Variants in PTPRS observed in about 807,000 individuals in gnomAD.
PTPRS encodes the protein protein tyrosine phosphatase receptor type S, also known as receptor-type tyrosine-protein phosphatase S.
In PTPRS, 63 loss-of-function variants were observed where a neutral mutation model predicts 215.3. The ratio of observed to expected loss-of-function variants is 0.29; its 90% confidence interval spans 0.24 to 0.36. The LOEUF (loss-of-function observed/expected upper bound fraction) is 0.36. Ranked by LOEUF, PTPRS falls within the 10% of genes least tolerant of loss-of-function variation. The pLI, the probability that PTPRS is intolerant of heterozygous loss-of-function variation, is 1.00. For synonymous variants in PTPRS, 1,404 were observed against 1,191.4 expected (o/e 1.18, Z -3.68); for missense variants, 2,258 against 2,825.8 (o/e 0.80, Z 4.56).
chr19:5,336,615 C>T (rs1307977506), intron 1 of PTPRS, among the ~76,000 whole-genome samples: 2 of 152,184 alleles, frequency 1.3e-5, no homozygotes. Flanking sequence ...TTGAAACCTT[C>T]AAGCCCCGGA....
intron 1 of PTPRS, among the ~76,000 whole-genome samples, chr19:5,310,133 C>T (rs147972897): frequency 6.6e-6 from 1 of 152,314 alleles, no homozygotes; most frequent in Non-Finnish European, 1.5e-5. Context: ...GCGGTCCTGC[C>T]TCAGGGCCTT....
In PTPRS at chr19:5,223,192, C is replaced by A; in HGVS notation, c.2600G>T (p.Arg867Leu). The A allele has an allele frequency of 6.5e-7, 1 of 1,549,972 alleles. No homozygotes were observed. Among genetic ancestry groups the A allele is most frequent in the Non-Finnish European group, 8.7e-7 (1 of 1,148,042 alleles). Reference sequence around the variant, plus strand: ...CGAGTCCTCACGGCCAAACTGCAGGCGGTAGCCCAGCACCTGGTCCTCCGC... The same window carrying A: ...CGAGTCCTCACGGCCAAACTGCAGGAGGTAGCCCAGCACCTGGTCCTCCGC... Reference protein sequence around the residue: ...GTAEDQVLGYRLQFGREDSTP... With the variant: ...GTAEDQVLGYLLQFGREDSTP... The change falls in exon 18 of 38, where the codon CGC becomes CTC. Residue 867 changes from arginine to leucine, a missense_variant. Transcript: ENST00000262963.
Position 5,339,168 on chromosome 19 carries a change from G to C in PTPRS, c.-95+1496C>G, listed in dbSNP as rs1026676808. Among the ~76,000 whole-genome samples the C allele has an allele frequency of 6.6e-6, 1 of 152,088 alleles. No individual in the cohort carries two copies. The highest frequency in any genetic ancestry group is 1.5e-5 in the Non-Finnish European group (1 of 67,990). ...CAGAGGCAGGAGGACCCCATGCTCA[G>C]AAGGGGGCTCCCCTAGATTGTGACG... On this transcript the variant is annotated intron_variant, in intron 1 of 37. Transcript: ENST00000262963. This position sits in a 1 kb window ranked among gnomAD's most constrained non-coding sequence, Gnocchi z 4.2.
intron 37 of PTPRS, 79 bp from the exon 38 acceptor site, chr19:5,206,921 G>A: frequency 1.5e-6 from 2 of 1,327,600 alleles, no homozygotes; most frequent in East Asian, 2.3e-5. Flanking sequence ...TCAGGAGCAG[G>A]CCAAGCTCCT....
intron 1 of PTPRS, among the ~76,000 whole-genome samples, chr19:5,290,854 C>T (rs987233920): frequency 1.5e-4 from 23 of 151,922 alleles, no homozygotes; most frequent in African/African-American, 5.3e-4. Context: ...ACGTCATTTC[C>T]AGGACTGGAC....
chr19:5,277,624 C>A (rs1466111329), intron 2 of PTPRS: 1 of 378,580 alleles, frequency 2.6e-6, no homozygotes, highest in Non-Finnish European at 4.9e-6. Context: ...CCACCGCACT[C>A]CAGCCTGGGC....
rs149774964 is a variant in PTPRS, at chr19:5,219,990, G to A, written c.3714C>T (p.Pro1238=). 1.6e-4 allele frequency: 256 copies of A among 1,613,700 alleles called. No individual in the cohort carries two copies. The highest frequency in any genetic ancestry group is 4.5e-4 in the East Asian group (20 of 44,896). ...GCACGAAGAGGACATAGCGGTGGCCGGGCTCCAGGCCCCGGTTATCGAAGC... is the reference window on the plus strand; with the variant it reads ...GCACGAAGAGGACATAGCGGTGGCCAGGCTCCAGGCCCCGGTTATCGAAGC... The part of the protein sequence containing the change: ...YGGFDNRGLE[P]GHRYVLFVLA... The change falls in exon 22 of 38, where the codon CCC becomes CCT. Residue 1238 remains proline, a synonymous_variant. Coordinates refer to ENST00000262963, the MANE Select transcript of PTPRS (RefSeq NM_002850.4).
chr19:5,211,882 C>A (rs984041369), intron 32 of PTPRS, 83 bp downstream of exon 32: 5 of 1,563,594 alleles, frequency 3.2e-6, no homozygotes, highest in Middle Eastern at 1.8e-4. Flanking sequence ...CCTTCTAGTC[C>A]CCATTGCTCG....
At chr19:5,230,504 G>T (rs2042924703) in intron 14 of PTPRS, among the ~76,000 whole-genome samples, 1 of 152,164 alleles carries the variant, frequency 6.6e-6, no homozygotes, top group African/African-American at 2.4e-5. Context: ...TGTCACCCAG[G>T]CTGGAGTGCA....
intron 18 of PTPRS, 116 bp downstream of exon 18, chr19:5,222,573 A>C: frequency 3.3e-6 from 4 of 1,206,832 alleles, no homozygotes; most frequent in Non-Finnish European, 4.4e-6. Context: ...GCCTTGAGTG[A>C]CCACGAGGAA....
rs1181690388 is a variant in PTPRS, at chr19:5,210,505, C to A, written c.5451G>T (p.Gln1817His). The change falls in exon 35 of 38, where the codon CAG becomes CAT. Residue 1817 changes from glutamine (Q) to histidine (H), a missense_variant. Transcript: ENST00000262963. This position sits in a 1 kb window ranked among gnomAD's most constrained non-coding sequence, Gnocchi z 4.5. ...VDPMAEYNMP[Q>H]YILREFKVTD... The stretch of plus-strand genomic sequence containing the variant: ...TGACCTTGAACTCTCGCAGGATATA[C>A]TGAGGCATGTTGTATTCTGCCATCG... 6.2e-7 allele frequency: 1 copy of A among 1,614,110 alleles called. No homozygotes were observed. Among genetic ancestry groups the A allele is most frequent in the Non-Finnish European group, 8.5e-7 (1 of 1,180,048 alleles).
chr19:5,229,195 G>A (rs2145606156), intron 16 of PTPRS, 121 bp downstream of exon 16: 2 of 1,119,156 alleles, frequency 1.8e-6, no homozygotes, highest in East Asian at 6.3e-5. Context: ...AGGGGCGCAT[G>A]GGAGGGCCCA....
At chr19:5,277,701 T>C in intron 2 of PTPRS, 1 of 586,100 alleles carries the variant, frequency 1.7e-6, no homozygotes, top group South Asian at 1.6e-5. Flanking sequence ...CGGCGCTGCC[T>C]AAGGAGGTGG....
chr19:5,222,633 T>TGGGGGGGGGGGGGGGGG, intron 18 of PTPRS, 56 bp downstream of exon 18: 3 of 467,934 alleles, frequency 6.4e-6, no homozygotes, highest in East Asian at 9.4e-5. Context: ...GGGGCTGGGG[T>TGGGGGGGGGGGGGGGGG]GGGGGTGGGC....
intron 2 of PTPRS, chr19:5,278,216 G>T: frequency 2.6e-6 from 1 of 378,936 alleles, no homozygotes; most frequent in South Asian, 2.5e-5. Flanking sequence ...GGGGGGTGGG[G>T]GAAAGGATGC....
At position 5,257,017 on chromosome 19, in the gene PTPRS, G is replaced by C. The variant is rs1178808027; in HGVS notation, c.707-898C>G. The stretch of plus-strand genomic sequence containing the variant: ...AACTGGGGCAGCCCTAGGGATTGAA[G>C]GGCGCCCTGGCATCCTGGCAGAAGC... On this transcript the variant is annotated intron_variant, in intron 8 of 37. Coordinates refer to ENST00000262963, the MANE Select transcript of PTPRS (RefSeq NM_002850.4). This position sits in a 1 kb window ranked among gnomAD's most constrained non-coding sequence, Gnocchi z 4.4. 1.3e-5 allele frequency among the ~76,000 whole-genome samples: 2 copies of C among 151,728 alleles called. No individual in the cohort carries two copies. The highest frequency in any genetic ancestry group is 2.4e-5 in the African/African-American group (1 of 41,282).
intron 7 of PTPRS, among the ~76,000 whole-genome samples, chr19:5,259,480 T>C (rs918331669): frequency 2.0e-5 from 3 of 152,152 alleles, no homozygotes; most frequent in African/African-American, 4.8e-5. Flanking sequence ...GCTGAGTATA[T>C]CTGAAATTAT....
rs528097292 is a variant in PTPRS, at chr19:5,285,003, G to GA, written c.91+1046dup. 6.9e-4 allele frequency among the ~76,000 whole-genome samples: 105 copies of GA among 152,236 alleles called. 1 individual carries two copies. Among genetic ancestry groups the GA allele is most frequent in the African/African-American group, 2.5e-3 (103 of 41,552 alleles). Reference sequence around the variant, plus strand: ...CATGAAAATAAGAAAAAGCGCAAATGAATGAGGCAGGGGTGTATGTCTCCA... The same window carrying GA: ...CATGAAAATAAGAAAAAGCGCAAATGAAATGAGGCAGGGGTGTATGTCTCCA... On this transcript the variant is annotated intron_variant, in intron 2 of 37. Transcript: ENST00000262963.
chr19:5,286,097 G>A lies in PTPRS; in HGVS notation c.44C>T (p.Pro15Leu), dbSNP rs1347927565. 1 of 1,614,124 alleles carries A rather than the reference G, an allele frequency of 6.2e-7. No homozygotes were observed. The highest frequency in any genetic ancestry group is 1.1e-5 in the South Asian group (1 of 91,080). The change falls in exon 2 of 38, where the codon CCC (proline) becomes CTC (leucine). Residue 15 changes from proline to leucine, a missense_variant. Coordinates refer to ENST00000262963, the MANE Select transcript of PTPRS (RefSeq NM_002850.4). ...GAGCAGGACCACAAGGAGGCCCATG[G>A]GACCAACCACAGACACCATGCCAGG... ...WGPGMVSVVG[P>L]MGLLVVLLVG...
Sources: gnomAD v4.1 joint callset for allele counts (sites outside exome capture counted in the v4.1 genomes callset) on GRCh38, gnomAD v4.1.1 for gene constraint, Gnocchi (gnomAD v3.1) non-coding constraint, MANE v1.5 for transcripts, NCBI Gene and HGNC (gene_info 2026-07-23, HGNC 2026-07-21) for gene names.